Variants in BTRC observed in about 807,000 individuals in gnomAD.
BTRC encodes beta-transducin repeat containing E3 ubiquitin protein ligase.
In BTRC, 42 loss-of-function variants were observed where a neutral mutation model predicts 85.5. The ratio of observed to expected loss-of-function variants is 0.49; its 90% confidence interval spans 0.38 to 0.64. The LOEUF is 0.64. BTRC is among the 30% of genes least tolerant of loss of function. The pLI is 0.00. For synonymous variants in BTRC, 255 were observed against 263.3 expected (o/e 0.97, Z 0.30); for missense variants, 594 against 743.5 (o/e 0.80, Z 2.34).
At chr10:101,382,794 A>AT (rs1942969056) in intron 1 of BTRC, among the ~76,000 whole-genome samples, 1 of 151,942 alleles carries the variant, frequency 6.6e-6, no homozygotes, top group South Asian at 2.1e-4. Flanking sequence ...GTTCTAAATA[A>AT]TTTTTTTCTT....
At chr10:101,364,690 C>G (rs180677993) in intron 1 of BTRC, among the ~76,000 whole-genome samples, 73 of 152,188 alleles carry the variant, frequency 4.8e-4, no homozygotes, top group Middle Eastern at 6.8e-3. Context: ...AGTACTACAC[C>G]AAACTGTTAA....
chr10:101,415,698 T>C (rs980988600), intron 1 of BTRC, among the ~76,000 whole-genome samples: 20 of 151,116 alleles, frequency 1.3e-4, no homozygotes, highest in African/African-American at 4.9e-4. Context: ...TGCGCCACCA[T>C]GCCTGGCTAA....
Position 101,521,113 on chromosome 10 carries a change from A to T in BTRC, c.325-526A>T, listed in dbSNP as rs1438297003. Among the ~76,000 whole-genome samples, 7 of 152,180 alleles carry T rather than the reference A, an allele frequency of 4.6e-5. No individual in the cohort carries two copies. The East Asian group carries it at 1.3e-3, about 29-fold the overall frequency. ...GAAGACTCCATCTCTACAAAAAAAA[A>T]TGTTAAAAATTAGCAGGACATGATA... On this transcript the variant is annotated intron_variant, in intron 4 of 14. Coordinates refer to ENST00000370187, the MANE Select transcript of BTRC (RefSeq NM_033637.4).
intron 1 of BTRC, among the ~76,000 whole-genome samples, chr10:101,401,820 AGAGC>A (rs1242426295): frequency 6.7e-6 from 1 of 149,778 alleles, no homozygotes; most frequent in African/African-American, 2.5e-5. Context: ...CCTGGGTGAC[AGAGC>A]GAGACCTCAT....
intron 1 of BTRC, among the ~76,000 whole-genome samples, chr10:101,366,916 A>G (rs1284477352): frequency 9.3e-4 from 2 of 2,158 alleles, no homozygotes; most frequent in African/African-American, 1.2e-3. Context: ...ATTAATATAT[A>G]TTTATATATA....
At chr10:101,501,866 C>A (rs1946407482) in intron 4 of BTRC, among the ~76,000 whole-genome samples, 1 of 152,108 alleles carries the variant, frequency 6.6e-6, no homozygotes, top group Non-Finnish European at 1.5e-5. Flanking sequence ...CTTATTACAA[C>A]CCCTCTTCCC....
rs36030307 is a variant in BTRC, at chr10:101,385,618, C to CTTTTTTTTTTTT, written c.48+31394_48+31405dup. ...TCTTTGTTCTTTCTTTCTTCTTCTT[C>CTTTTTTTTTTTT]TTTTTTTTTTTTTTTGTGTGTTCTT... On this transcript the variant is annotated intron_variant, in intron 1 of 14. Transcript: ENST00000370187. 6.8e-3 allele frequency among the ~76,000 whole-genome samples: 544 copies of CTTTTTTTTTTTT among 79,566 alleles called. 6 individuals are homozygous for CTTTTTTTTTTTT. The highest frequency in any genetic ancestry group is 0.01 in the Non-Finnish European group (416 of 40,152). The allele number at this position is 79,566 out of a possible 152,430, so 52.2% of individuals were successfully genotyped here.
chr10:101,381,857 C>T (rs939735627), intron 1 of BTRC, among the ~76,000 whole-genome samples: 4 of 151,058 alleles, frequency 2.6e-5, no homozygotes, highest in Non-Finnish European at 5.9e-5. Flanking sequence ...TTATTCCTAA[C>T]CTCAATACAA....
At chr10:101,488,899 C>A (rs1298483973) in intron 4 of BTRC, among the ~76,000 whole-genome samples, 1 of 151,966 alleles carries the variant, frequency 6.6e-6, no homozygotes, top group African/African-American at 2.4e-5. Context: ...TCTCATAGGA[C>A]TTTTTTTCAC....
intron 1 of BTRC, among the ~76,000 whole-genome samples, chr10:101,362,442 T>C (rs1008658261): frequency 3.2e-4 from 48 of 150,944 alleles, no homozygotes; most frequent in African/African-American, 1.2e-3. Flanking sequence ...GTTGCCCAGG[T>C]TGGGGTGCAA....
chr10:101,483,601 A>T (rs1353652989), intron 4 of BTRC, among the ~76,000 whole-genome samples: 1 of 152,168 alleles, frequency 6.6e-6, no homozygotes, highest in Non-Finnish European at 1.5e-5. Context: ...TCAAAAAAAA[A>T]ACTGAAAATG....
At chr10:101,404,024 A>ATTTTTTTTTTTTT (rs1343104334) in intron 1 of BTRC, among the ~76,000 whole-genome samples, 1 of 24,072 alleles carries the variant, frequency 4.2e-5, no homozygotes, top group African/African-American at 1.3e-4. Context: ...ATATATATAT[A>ATTTTTTTTTTTTT]TATATATTTT....
At chr10:101,463,381 T>C (rs1945281192) in intron 3 of BTRC, among the ~76,000 whole-genome samples, 2 of 152,076 alleles carry the variant, frequency 1.3e-5, no homozygotes, top group Non-Finnish European at 2.9e-5. Context: ...GGTTTCACCA[T>C]GTTGGCCAGG....
At position 101,550,821 on chromosome 10, in the gene BTRC, C is replaced by A. The variant is rs941596697; in HGVS notation, c.1779C>A (p.Pro593=). 1.9e-6 allele frequency: 3 copies of A among 1,614,080 alleles called. No individual in the cohort carries two copies. The highest frequency in any genetic ancestry group is 8.5e-7 in the Non-Finnish European group (1 of 1,179,956). ...LNDPAAQAEP[P]RSPSRTYTYI... The stretch of plus-strand genomic sequence containing the variant: ...ATCCAGCTGCCCAAGCTGAACCCCC[C>A]CGTTCCCCTTCTCGAACATACACCT... Residue 593 remains proline, a synonymous_variant, in exon 14 of 15, where the codon CCC becomes CCA. Coordinates refer to ENST00000370187, the MANE Select transcript of BTRC (RefSeq NM_033637.4).
intron 4 of BTRC, among the ~76,000 whole-genome samples, chr10:101,519,548 T>C (rs924237802): frequency 6.6e-6 from 1 of 152,236 alleles, no homozygotes; most frequent in Non-Finnish European, 1.5e-5. Flanking sequence ...AAGCAAACTC[T>C]GTGCTTGTAA....
intron 14 of BTRC, among the ~76,000 whole-genome samples, chr10:101,551,428 C>T (rs777726932): frequency 6.6e-6 from 1 of 152,172 alleles, no homozygotes. Flanking sequence ...AAAAGAGGAC[C>T]TGTCTTTTGA....
chr10:101,450,124 G>A (rs981891837), intron 2 of BTRC, among the ~76,000 whole-genome samples: 1 of 151,166 alleles, frequency 6.6e-6, no homozygotes, highest in Non-Finnish European at 1.5e-5. Context: ...CTGATGTGGA[G>A]CATATTAGCA....
chr10:101,517,625 A>G (rs2134352949), intron 4 of BTRC, among the ~76,000 whole-genome samples: 1 of 152,286 alleles, frequency 6.6e-6, no homozygotes, highest in Admixed American at 6.5e-5. Context: ...TTACTTTGAA[A>G]AGTACCCAGT....
intron 1 of BTRC, among the ~76,000 whole-genome samples, chr10:101,358,343 G>A (rs1942103391): frequency 1.3e-5 from 2 of 152,126 alleles, no homozygotes; most frequent in South Asian, 4.1e-4. Context: ...GGGCTCAAGG[G>A]GTCCTCCTGC....
Sources: allele counts gnomAD v4.1 joint callset (sites outside exome capture counted in the v4.1 genomes callset), GRCh38; gene constraint gnomAD v4.1.1; transcripts MANE v1.5; gene names NCBI Gene and HGNC (gene_info 2026-07-23, HGNC 2026-07-21).